The following IPO7 variants were observed in gnomAD, a reference collection of about 807,000 sequenced individuals.
The protein encoded by IPO7 is importin 7, also known as importin-7.
Under a neutral mutation model 136.4 loss-of-function variants are expected in IPO7, and 13 were observed. The ratio of observed to expected loss-of-function variants is 0.10; its 90% CI spans 0.06 to 0.15. The LOEUF (loss-of-function observed/expected upper bound fraction) is 0.15, where lower values mean the gene tolerates loss of function less well. IPO7 is among the 10% of genes least tolerant of loss of function. The pLI, the probability that IPO7 is intolerant of heterozygous loss-of-function variation, is 1.00. For missense variants in IPO7, 857 were observed against 1,240.6 expected (o/e 0.69, Z 4.65); for synonymous variants, 403 against 404.4 (o/e 1.00, Z 0.04).
intron 1 of IPO7, among the ~76,000 whole-genome samples, chr11:9,397,341 A>AAAAAAAAAAAAAAAAAAAAAAATATAT: frequency 1.9e-4 from 2 of 10,760 alleles, no homozygotes; most frequent in Non-Finnish European, 3.7e-4. Flanking sequence ...TTTAAAAAAA[A>AAAAAAAAAAAAAAAAAAAAAAATATAT]ATATATATAT....
chr11:9,397,341 A>AAAAAAAAAAAAAT, intron 1 of IPO7, among the ~76,000 whole-genome samples: 11 of 10,764 alleles, frequency 1.0e-3, no homozygotes, highest in Non-Finnish European at 1.6e-3. Flanking sequence ...TTTAAAAAAA[A>AAAAAAAAAAAAAT]ATATATATAT....
chr11:9,443,515 C>G (rs940420454), intron 24 of IPO7, among the ~76,000 whole-genome samples: 9 of 147,300 alleles, frequency 6.1e-5, no homozygotes, highest in Non-Finnish European at 1.2e-4. Flanking sequence ...TGCTTGAACC[C>G]GGGAGGTGGA....
At position 9,413,387 on chromosome 11, in the gene IPO7, A is replaced by T. The variant is rs538169726; in HGVS notation, c.480-868A>T. ...GCTTTATACATACCATTTCTGCTTT[A>T]ATGCTGTTGGTATGTAAATTACTTA... On this transcript the variant is annotated intron_variant, in intron 4 of 24. Coordinates refer to ENST00000379719, the MANE Select transcript of IPO7 (RefSeq NM_006391.3). Among the ~76,000 whole-genome samples, 6 of 152,230 alleles carry T rather than the reference A, an allele frequency of 3.9e-5. No homozygotes were observed. The South Asian group carries it at 1.0e-3, about 26-fold the overall frequency.
At chr11:9,444,427 A>G (rs1855499927) in intron 24 of IPO7, among the ~76,000 whole-genome samples, 1 of 151,752 alleles carries the variant, frequency 6.6e-6, no homozygotes, top group Non-Finnish European at 1.5e-5. Flanking sequence ...GCAGTGGTGC[A>G]ATCTCGGCTC....
At position 9,440,646 on chromosome 11, in the gene IPO7, A is replaced by G; in HGVS notation, c.2887A>G (p.Lys963Glu). Residue 963 changes from lysine (K) to glutamate (E), a missense_variant, in exon 23 of 25, where the codon AAA becomes GAA. By Grantham distance (56) the Lys-to-Glu change is moderately conservative. Around this residue, in one of 11 missense-constraint regions of IPO7, gnomAD observed 119 missense variants for 155.5 expected, o/e 0.77. Transcript: ENST00000379719. ...CCCTGTTGATGAGTATCAGATATTT[A>G]AAGCTATCTTTCAAAGTAAGTCAAC... Reference protein sequence around the residue: ...DNPVDEYQIFKAIFQTIQNRN... With the variant: ...DNPVDEYQIFEAIFQTIQNRN... 6.2e-7 allele frequency: 1 copy of G among 1,610,928 alleles called. No homozygotes were observed. The highest frequency in any genetic ancestry group is 8.5e-7 in the Non-Finnish European group (1 of 1,177,242).
At chr11:9,387,580 C>A (rs1854568916) in intron 1 of IPO7, among the ~76,000 whole-genome samples, 1 of 152,308 alleles carries the variant, frequency 6.6e-6, no homozygotes, top group African/African-American at 2.4e-5. Flanking sequence ...GCCTGTAATC[C>A]CAGCATTTTG....
At position 9,431,711 on chromosome 11, in the gene IPO7, T is replaced by C. The variant is rs545507652; in HGVS notation, c.1881+708T>C. Among the ~76,000 whole-genome samples, 68 of 152,242 alleles carry C rather than the reference T, an allele frequency of 4.5e-4. 1 individual carries two copies. The highest frequency in any genetic ancestry group is 1.6e-3 in the African/African-American group (65 of 41,552). On this transcript the variant is annotated intron_variant, in intron 16 of 24. Transcript: ENST00000379719. Reference sequence around the variant, plus strand: ...TTGGGCGGCCAGGCATAGTGGCTCATGCCTGTAATCCCAGCACTTTGAGAG... The same window carrying C: ...TTGGGCGGCCAGGCATAGTGGCTCACGCCTGTAATCCCAGCACTTTGAGAG...
chr11:9,426,137 C>G (rs903757798), intron 12 of IPO7, among the ~76,000 whole-genome samples: 1 of 152,152 alleles, frequency 6.6e-6, no homozygotes, highest in Non-Finnish European at 1.5e-5. Context: ...TAACTATCAC[C>G]CCCAGAAGGA....
intron 4 of IPO7, among the ~76,000 whole-genome samples, chr11:9,410,883 T>C (rs1454035253): frequency 1.3e-5 from 2 of 152,200 alleles, no homozygotes; most frequent in Non-Finnish European, 2.9e-5. Context: ...ACAGATGCCA[T>C]TGTGACCCCT....
Position 9,409,182 on chromosome 11 carries a change from C to T in IPO7, c.320+543C>T, listed in dbSNP as rs767765970. ...GGAGTGAGGTGGCGCAATCTCGGCT[C>T]GCTACAGCCTCTGACTCCTGGGATC... On this transcript the variant is annotated intron_variant, in intron 3 of 24. Coordinates refer to ENST00000379719, the MANE Select transcript of IPO7 (RefSeq NM_006391.3). 3.3e-4 allele frequency among the ~76,000 whole-genome samples: 50 copies of T among 151,508 alleles called. 1 individual carries two copies. Among genetic ancestry groups the T allele is most frequent in the Admixed American group, 8.6e-4 (13 of 15,204 alleles).
chr11:9,403,144 G>A, intron 1 of IPO7, 146 bp from the exon 2 acceptor site: 1 of 666,004 alleles, frequency 1.5e-6, no homozygotes, highest in Non-Finnish European at 2.7e-6. Context: ...TTCAATATAA[G>A]GGAGTGATGA....
chr11:9,420,255 T>C lies in IPO7; in HGVS notation c.727-156T>C, dbSNP rs1030926292. The C allele has an allele frequency of 3.3e-5, 18 of 544,230 alleles. No individual in the cohort carries two copies. In the Admixed American group the frequency reaches 5.5e-4, roughly 17 times the overall value. The allele number at this position is 544,230 out of a possible 1,614,324, so 33.7% of individuals were successfully genotyped here. ...TTGTGTGAACTCGGGAGGCGGAGCT[T>C]GCAGTGAGCTGAGATGGCAATAGAG... On this transcript the variant is annotated intron_variant, in intron 6 of 24. Transcript: ENST00000379719.
Position 9,410,106 on chromosome 11 carries a change from C to A in IPO7, c.479+20C>A. 1.3e-6 allele frequency: 2 copies of A among 1,488,262 alleles called. No homozygotes were observed. The highest frequency in any genetic ancestry group is 1.4e-5 in the South Asian group (1 of 71,608). The allele number at this position is 1,488,262 out of a possible 1,614,324, so 92.2% of individuals were successfully genotyped here. Reference sequence around the variant, plus strand: ...TTATGAGTAAGTGTTTCTTTCAACTCCTATAGAGCTTTGAGAAGTAGGAAA... The same window carrying A: ...TTATGAGTAAGTGTTTCTTTCAACTACTATAGAGCTTTGAGAAGTAGGAAA... On this transcript the variant is annotated intron_variant, in intron 4 of 24. Coordinates refer to ENST00000379719, the MANE Select transcript of IPO7 (RefSeq NM_006391.3).
At chr11:9,433,880 TTCCC>T (rs1350809155) in intron 18 of IPO7, 34 bp downstream of exon 18, 1 of 1,582,416 alleles carries the variant, frequency 6.3e-7, no homozygotes, top group Non-Finnish European at 8.6e-7. Context: ...ACTGAGGGTT[TTCCC>T]TGCTTTGATT....
chr11:9,425,323 C>T, intron 12 of IPO7, 61 bp downstream of exon 12: 1 of 970,164 alleles, frequency 1.0e-6, no homozygotes, highest in Non-Finnish European at 1.7e-6. Flanking sequence ...AATAAATAGC[C>T]AGCCAGGCAC....
Position 9,424,589 on chromosome 11 carries a change from C to CCTGT in IPO7, c.1142-325_1142-324insCTGT, listed in dbSNP as rs1258126901. On this transcript the variant is annotated intron_variant, in intron 10 of 24. Transcript: ENST00000379719. ...TGAAACCCCATCTCTACTAAAAATA[C>CCTGT]AAAAATTAGCCGGGCGTGGTGGCAG... Among the ~76,000 whole-genome samples, 20 of 152,182 alleles carry CCTGT rather than the reference C, an allele frequency of 1.3e-4. No homozygotes were observed. The East Asian group carries it at 3.9e-3, about 29-fold the overall frequency.
chr11:9,430,765 T>G lies in IPO7; in HGVS notation c.1753-110T>G, dbSNP rs1855282891. Reference sequence around the variant, plus strand: ...TTATCATTAATCAATTTGGAGACATTGATTTGTTGTGGTATCCCAATGAGA... The same window carrying G: ...TTATCATTAATCAATTTGGAGACATGGATTTGTTGTGGTATCCCAATGAGA... On this transcript the variant is annotated intron_variant, in intron 15 of 24. Coordinates refer to ENST00000379719, the MANE Select transcript of IPO7 (RefSeq NM_006391.3). The G allele has an allele frequency of 5.1e-5, 40 of 791,578 alleles. No homozygotes were observed. The East Asian group carries it at 1.0e-3, about 20-fold the overall frequency. The allele number at this position is 791,578 out of a possible 1,614,324, so 49.0% of individuals were successfully genotyped here.
Position 9,420,665 on chromosome 11 carries a change from A to G in IPO7, c.873A>G (p.Val291=), listed in dbSNP as rs760152945. The change falls in exon 8 of 25, where the codon GTA becomes GTG. Residue 291 remains valine (V), a synonymous_variant. Coordinates refer to ENST00000379719, the MANE Select transcript of IPO7 (RefSeq NM_006391.3). ...AGGAGTATAATGAATTTGCTGAAGT[A>G]TTTCTGAAGGCATTTGCTGTTGGTG... ...VSKEYNEFAE[V]FLKAFAVGVQ... is the part of the protein sequence containing the mutation. The G allele has an allele frequency of 1.2e-5, 19 of 1,613,370 alleles. No homozygotes were observed. The highest frequency in any genetic ancestry group is 1.6e-5 in the Non-Finnish European group (19 of 1,179,530).
chr11:9,389,477 A>G (rs1217152216), intron 1 of IPO7, among the ~76,000 whole-genome samples: 1 of 152,222 alleles, frequency 6.6e-6, no homozygotes, highest in Non-Finnish European at 1.5e-5. Flanking sequence ...GATGCAGAGA[A>G]ATTTATGATC....
Sources: allele counts gnomAD v4.1 joint callset (sites outside exome capture counted in the v4.1 genomes callset), GRCh38; gene constraint gnomAD v4.1.1; regional missense constraint gnomAD v4.1.1; transcripts MANE v1.5; gene names NCBI Gene and HGNC (gene_info 2026-07-23, HGNC 2026-07-21).